The following TMEFF2 variants were observed in gnomAD, a reference collection of about 807,000 sequenced individuals.
The protein encoded by TMEFF2 is transmembrane protein with EGF like and two follistatin like domains 2.
In TMEFF2, 28 loss-of-function variants were observed where a neutral mutation model predicts 53.8. The ratio of observed to expected loss-of-function variants is 0.52; its 90% CI spans 0.39 to 0.71. The LOEUF is 0.71. Among genes scored for constraint, TMEFF2 ranks in the 30% least tolerant of loss-of-function variants. The pLI, the probability that TMEFF2 is intolerant of heterozygous loss-of-function variation, is 0.00. For synonymous variants in TMEFF2, 162 were observed against 166.3 expected, an observed-to-expected ratio of 0.97 and a Z score of 0.20; for missense variants, 353 against 455.2, an observed-to-expected ratio of 0.78 and a Z score of 2.04.
In TMEFF2 at chr2:192,194,767, C is replaced by T; in HGVS notation, c.-243G>A. On this transcript the variant is annotated 5_prime_UTR_variant, in exon 1 of 10. Transcript: ENST00000272771. The surrounding 1 kb of genome is among the most constrained non-coding windows in gnomAD (Gnocchi z 4.2). ...GTCCGCTGAGAAGCTGCGCCGGAGA[C>T]GCGGGAAGCTGCTGCCATAAGGAGG... 1 of 543,494 alleles carries T rather than the reference C, an allele frequency of 1.8e-6. No individual in the cohort carries two copies. The highest frequency in any genetic ancestry group is 3.3e-6 in the Non-Finnish European group (1 of 302,838). 33.7% of individuals were successfully genotyped at this position (543,494 alleles called of 1,614,324 possible). A position where few individuals can be genotyped will look rare whatever the true frequency, so the allele number is the denominator to read the frequency against.
chr2:192,037,348 GA>G (rs201866902), intron 5 of TMEFF2, among the ~76,000 whole-genome samples: 4 of 122,084 alleles, frequency 3.3e-5, no homozygotes, highest in Middle Eastern at 4.1e-3. Context: ...ACAGAAAACA[GA>G]AAAAAAAACC....
At chr2:192,129,556 A>G (rs964700991) in intron 4 of TMEFF2, among the ~76,000 whole-genome samples, 33 of 152,210 alleles carry the variant, frequency 2.2e-4, no homozygotes, top group South Asian at 2.1e-4. Flanking sequence ...ATGCATTCTT[A>G]CATTTCAATT....
At chr2:192,111,761 G>A (rs552481695) in intron 4 of TMEFF2, among the ~76,000 whole-genome samples, 3 of 152,268 alleles carry the variant, frequency 2.0e-5, no homozygotes, top group African/African-American at 7.2e-5. Context: ...AATTAAAAAT[G>A]GTCGGCTGGG....
At chr2:192,154,400 T>C (rs952741925) in intron 4 of TMEFF2, among the ~76,000 whole-genome samples, 5 of 151,972 alleles carry the variant, frequency 3.3e-5, no homozygotes, top group African/African-American at 4.8e-5. Flanking sequence ...ACTTTCTACA[T>C]TGGTACAGTA....
Position 192,132,677 on chromosome 2 carries a change from C to T in TMEFF2, c.439+46991G>A, listed in dbSNP as rs1214547145. ...CAGCGGCCAGGCGTTCCTCCAGGCC[C>T]GCTTCCCCCAGGAGCTTGCTACAAG... On this transcript the variant is annotated intron_variant, in intron 4 of 9. Coordinates refer to ENST00000272771, the MANE Select transcript of TMEFF2 (RefSeq NM_016192.4). Among the ~76,000 whole-genome samples the T allele has an allele frequency of 3.9e-5, 6 of 152,276 alleles. No homozygotes were observed. In the East Asian group the frequency reaches 7.7e-4, roughly 20 times the overall value.
chr2:192,109,208 A>T (rs1370251323), intron 4 of TMEFF2, among the ~76,000 whole-genome samples: 2 of 152,104 alleles, frequency 1.3e-5, no homozygotes, highest in African/African-American at 4.8e-5. Context: ...AATATATATC[A>T]AGAACAATAT....
intron 5 of TMEFF2, among the ~76,000 whole-genome samples, chr2:192,005,930 G>T (rs892351595): frequency 7.9e-5 from 12 of 152,096 alleles, no homozygotes; most frequent in African/African-American, 2.7e-4. Flanking sequence ...ACTGTGAGTT[G>T]TGAGAGAAAA....
intron 4 of TMEFF2, among the ~76,000 whole-genome samples, chr2:192,169,672 G>A (rs758809469): frequency 1.9e-4 from 29 of 152,224 alleles, no homozygotes; most frequent in South Asian, 1.9e-3. Context: ...CAATGCTATA[G>A]ATGAGAGATA....
intron 4 of TMEFF2, among the ~76,000 whole-genome samples, chr2:192,081,063 C>A (rs542725663): frequency 6.6e-6 from 1 of 152,174 alleles, no homozygotes; most frequent in South Asian, 2.1e-4. Context: ...TGACAGTGAT[C>A]AATGAAAGTA....
chr2:192,046,924 T>A (rs200919723), intron 5 of TMEFF2, among the ~76,000 whole-genome samples: 2 of 140,816 alleles, frequency 1.4e-5, no homozygotes, highest in Non-Finnish European at 3.2e-5. Context: ...TTTTTTTTTT[T>A]AATTTTTATT....
At chr2:192,134,471 G>C (rs569910230) in intron 4 of TMEFF2, among the ~76,000 whole-genome samples, 1 of 152,108 alleles carries the variant, frequency 6.6e-6, no homozygotes, top group African/African-American at 2.4e-5. Context: ...CCACTAGCCC[G>C]CCTCTTAGAA....
chr2:192,056,353 CAGGG>C (rs1328803259), intron 5 of TMEFF2, among the ~76,000 whole-genome samples: 3 of 149,094 alleles, frequency 2.0e-5, no homozygotes, highest in Non-Finnish European at 4.5e-5. Flanking sequence ...AGGGGAAAGA[CAGGG>C]AGGGAAAGGA....
At chr2:192,062,911 G>T (rs1254502711) in intron 4 of TMEFF2, among the ~76,000 whole-genome samples, 2 of 151,422 alleles carry the variant, frequency 1.3e-5, no homozygotes, top group Non-Finnish European at 2.9e-5. Flanking sequence ...TGTCAGAGTA[G>T]TATTATTTTT....
At chr2:192,097,695 G>A (rs1688945489) in intron 4 of TMEFF2, among the ~76,000 whole-genome samples, 2 of 152,188 alleles carry the variant, frequency 1.3e-5, no homozygotes, top group East Asian at 3.9e-4. Context: ...TTCACTATGT[G>A]CCCTTTGACC....
intron 4 of TMEFF2, among the ~76,000 whole-genome samples, chr2:192,127,497 A>T (rs1019952672): frequency 1.3e-5 from 2 of 152,190 alleles, no homozygotes; most frequent in Non-Finnish European, 2.9e-5. Flanking sequence ...CATTCAACAA[A>T]TCAACAATGT....
chr2:192,157,663 C>T (rs1167253520), intron 4 of TMEFF2, among the ~76,000 whole-genome samples: 1 of 151,946 alleles, frequency 6.6e-6, no homozygotes, highest in African/African-American at 2.4e-5. Flanking sequence ...TTATTTGTTT[C>T]TACCGTCCCT....
intron 4 of TMEFF2, among the ~76,000 whole-genome samples, chr2:192,075,296 T>TATATATAAATAA (rs1357041628): frequency 3.0e-5 from 1 of 32,972 alleles, no homozygotes. Flanking sequence ...TATATATATA[T>TATATATAAATAA]ATATATATAT....
At chr2:191,973,736 CA>C (rs899057360) in intron 7 of TMEFF2, among the ~76,000 whole-genome samples, 6 of 152,152 alleles carry the variant, frequency 3.9e-5, no homozygotes, top group African/African-American at 1.4e-4. Context: ...CCATAATCCC[CA>C]CATGTCACAG....
intron 5 of TMEFF2, among the ~76,000 whole-genome samples, chr2:192,019,849 A>G (rs982223783): frequency 2.0e-5 from 3 of 152,126 alleles, no homozygotes; most frequent in African/African-American, 7.2e-5. Flanking sequence ...TTGGTTTTGG[A>G]TGATGAGAAT....
Sources: gnomAD v4.1 joint callset for allele counts (sites outside exome capture counted in the v4.1 genomes callset) on GRCh38, gnomAD v4.1.1 for gene constraint, Gnocchi (gnomAD v3.1) non-coding constraint, MANE v1.5 for transcripts, NCBI Gene and HGNC (gene_info 2026-07-23, HGNC 2026-07-21) for gene names.